The following CEP192 variants were observed in gnomAD, a reference collection of about 807,000 sequenced individuals.
CEP192 encodes centrosomal protein 192.
CEP192 carries 151 observed loss-of-function variants against 271.8 expected under a neutral mutation model. That is an observed-to-expected ratio of 0.56 (90% CI 0.49 to 0.64). CEP192 has a LOEUF of 0.64. CEP192 is among the 30% of genes least tolerant of loss of function. The pLI is 0.00. For synonymous variants in CEP192, 995 were observed against 1,076.5 expected (o/e 0.92, Z 1.48); for missense variants, 2,910 against 3,020.5 (o/e 0.96, Z 0.86).
At chr18:13,124,032 C>T (rs1439068589) in intron 44 of CEP192, among the ~76,000 whole-genome samples, 9 of 151,968 alleles carry the variant, frequency 5.9e-5, no homozygotes, top group Admixed American at 3.3e-4. Context: ...CGGTGATGGG[C>T]GCCTGTAATC....
rs1447831326 is a variant in CEP192, at chr18:13,081,342, A to G, written c.5617-5675A>G. ...TGTTATTGGTCTATTTAGAGATTCA[A>G]CTTCTTCCTGGTTTAGTCTTGGGAG... On this transcript the variant is annotated intron_variant, in intron 30 of 44. Coordinates refer to ENST00000506447, the MANE Select transcript of CEP192 (RefSeq NM_032142.4). 3.9e-5 allele frequency among the ~76,000 whole-genome samples: 6 copies of G among 152,096 alleles called. No individual in the cohort carries two copies. In the East Asian group the frequency reaches 9.6e-4, roughly 24 times the overall value.
chr18:13,099,479 TA>T lies in CEP192; in HGVS notation c.6564del (p.Lys2188AsnfsTer6). The T allele has an allele frequency of 6.6e-7, 1 of 1,521,800 alleles. No homozygotes were observed. The highest frequency in any genetic ancestry group is 8.9e-7 in the Non-Finnish European group (1 of 1,117,930). 94.3% of individuals were successfully genotyped at this position (1,521,800 alleles called of 1,614,324 possible). A position where few individuals can be genotyped will look rare whatever the true frequency, so the allele number is the denominator to read the frequency against. On this transcript the variant is annotated frameshift_variant, in exon 37 of 45. Coordinates refer to ENST00000506447, the MANE Select transcript of CEP192 (RefSeq NM_032142.4). LOFTEE classifies it high-confidence loss of function. Reference sequence around the variant, plus strand: ...TTCTTATTAATTTTTTTTAAAGGAGTAAACTACAAATTCTTGTGAGTCCTAA... The same window carrying T: ...TTCTTATTAATTTTTTTTAAAGGAGTAACTACAAATTCTTGTGAGTCCTAA... ...PQHGCVAPES[K>X]LQILVSPNSS...
intron 30 of CEP192, among the ~76,000 whole-genome samples, chr18:13,086,740 T>G (rs1267070019): frequency 6.6e-6 from 1 of 152,246 alleles, no homozygotes; most frequent in Admixed American, 6.5e-5. Context: ...GTACTAATCT[T>G]TATATTATTC....
Position 13,038,555 on chromosome 18 carries a change from T to C in CEP192, c.1785T>C (p.Leu595=), listed in dbSNP as rs1386930940. The C allele has an allele frequency of 1.9e-6, 3 of 1,551,586 alleles. No homozygotes were observed. The highest frequency in any genetic ancestry group is 2.7e-5 in the African/African-American group (2 of 73,162). The change falls in exon 13 of 45, where the codon CTT becomes CTC. Residue 595 remains leucine, a synonymous_variant. Transcript: ENST00000506447. ...FAQRSEALGC[L]GGGNNVKRPS... Reference sequence around the variant, plus strand: ...AAAGATCTGAAGCTCTTGGTTGCCTTGGTGGTGGTAACAATGTGAAAAGAG... The same window carrying C: ...AAAGATCTGAAGCTCTTGGTTGCCTCGGTGGTGGTAACAATGTGAAAAGAG...
intron 30 of CEP192, among the ~76,000 whole-genome samples, chr18:13,074,329 A>T (rs992569808): frequency 6.6e-6 from 1 of 152,210 alleles, no homozygotes; most frequent in Non-Finnish European, 1.5e-5. Flanking sequence ...GTTAGTGGTC[A>T]TTTTAAAAAC....
intron 8 of CEP192, 58 bp downstream of exon 8, chr18:13,018,673 T>A (rs1047151758): frequency 9.1e-6 from 11 of 1,202,826 alleles, no homozygotes; most frequent in African/African-American, 3.2e-5. Flanking sequence ...TTTACTTTTT[T>A]TAAAAAAAAA....
chr18:13,125,036 A>C lies in CEP192; in HGVS notation c.*266A>C. The C allele has an allele frequency of 4.1e-6, 1 of 244,444 alleles. No individual in the cohort carries two copies. The allele number at this position is 244,444 out of a possible 1,614,324, so 15.1% of individuals were successfully genotyped here. A position where few individuals can be genotyped will look rare whatever the true frequency, so the allele number is the denominator to read the frequency against. Reference sequence around the variant, plus strand: ...CTGAATAAATATGGAATATATTTTAATGTGGTATATCCAGAAATTTTTCAG... The same window carrying C: ...CTGAATAAATATGGAATATATTTTACTGTGGTATATCCAGAAATTTTTCAG... On this transcript the variant is annotated 3_prime_UTR_variant, in exon 45 of 45. Coordinates refer to ENST00000506447, the MANE Select transcript of CEP192 (RefSeq NM_032142.4).
rs1389637435 is a variant in CEP192 at position 13,056,427 on chromosome 18, G to A, written c.3837G>A (p.Gln1279=). The change falls in exon 19 of 45, where the codon CAG becomes CAA. Residue 1279 remains glutamine (Q), a synonymous_variant. Coordinates refer to ENST00000506447, the MANE Select transcript of CEP192 (RefSeq NM_032142.4). ...LPSTGSTTLP[Q]CHAGNATVCG... Reference sequence around the variant, plus strand: ...CAACTGGAAGCACCACCTTGCCTCAGTGCCATGCTGGCAATGCCACAGTCT... The same window carrying A: ...CAACTGGAAGCACCACCTTGCCTCAATGCCATGCTGGCAATGCCACAGTCT... 4 of 1,614,254 alleles carry A rather than the reference G, an allele frequency of 2.5e-6. No homozygotes were observed. Among genetic ancestry groups the A allele is most frequent in the Non-Finnish European group, 3.4e-6 (4 of 1,180,046 alleles).
At chr18:13,044,868 T>A (rs905953895) in intron 15 of CEP192, among the ~76,000 whole-genome samples, 2 of 152,186 alleles carry the variant, frequency 1.3e-5, no homozygotes, top group Non-Finnish European at 2.9e-5. Context: ...TTTGGTAGAA[T>A]ACATTGGTGA....
At chr18:13,093,715 T>C (rs2039257287) in intron 34 of CEP192, among the ~76,000 whole-genome samples, 1 of 152,268 alleles carries the variant, frequency 6.6e-6, no homozygotes, top group Non-Finnish European at 1.5e-5. Context: ...TTCTGTTTTG[T>C]ACTTTGGTAA....
chr18:13,038,203 A>G (rs999890690), intron 12 of CEP192, among the ~76,000 whole-genome samples, 167 bp from the exon 13 acceptor site: 1 of 152,120 alleles, frequency 6.6e-6, no homozygotes, highest in Non-Finnish European at 1.5e-5. Flanking sequence ...GGACTTCATT[A>G]GCTGTGGTAG....
chr18:13,070,834 G>C (rs1394638895), intron 27 of CEP192, among the ~76,000 whole-genome samples: 1 of 152,132 alleles, frequency 6.6e-6, no homozygotes, highest in Non-Finnish European at 1.5e-5. Context: ...CCCAAAGCAC[G>C]ATGGCTTCTC....
chr18:13,057,860 A>G (rs1234303096), intron 20 of CEP192, 127 bp downstream of exon 20: 6 of 800,298 alleles, frequency 7.5e-6, no homozygotes, highest in East Asian at 2.8e-5. Context: ...TTGCCATGGT[A>G]TCTTTCTCTC....
chr18:13,039,590 G>A (rs1696797644), intron 13 of CEP192, among the ~76,000 whole-genome samples: 1 of 152,192 alleles, frequency 6.6e-6, no homozygotes, highest in African/African-American at 2.4e-5. Context: ...TGGAAAGCAG[G>A]CAGGCAGAGC....
chr18:12,993,398 G>T (rs1028816044), intron 1 of CEP192, among the ~76,000 whole-genome samples: 2 of 152,220 alleles, frequency 1.3e-5, no homozygotes, highest in African/African-American at 4.8e-5. Context: ...CCTTGCCCCA[G>T]GATGCCAGAA....
intron 19 of CEP192, among the ~76,000 whole-genome samples, chr18:13,057,122 A>T (rs866535513): frequency 7.9e-5 from 12 of 152,162 alleles, no homozygotes; most frequent in African/African-American, 2.9e-4. Flanking sequence ...GACATGGTGC[A>T]CACGGCCACT....
At chr18:13,106,030 G>A (rs1209234113) in intron 40 of CEP192, among the ~76,000 whole-genome samples, 6 of 152,064 alleles carry the variant, frequency 3.9e-5, no homozygotes, top group East Asian at 1.9e-4. Flanking sequence ...AACTGCCAAC[G>A]TCATTTTTCA....
intron 5 of CEP192, 100 bp from the exon 6 acceptor site, chr18:13,015,228 A>G: frequency 9.5e-7 from 1 of 1,055,520 alleles, no homozygotes; most frequent in Non-Finnish European, 1.3e-6. Flanking sequence ...TACTGAACAC[A>G]GTGGAGGTTG....
chr18:13,089,324 T>C (rs1250985484), intron 32 of CEP192, 132 bp from the exon 33 acceptor site: 3 of 449,496 alleles, frequency 6.7e-6, no homozygotes, highest in Non-Finnish European at 1.2e-5. Context: ...AGGTTTTTCT[T>C]TTAGGTGTAA....
Sources: gnomAD v4.1 joint callset for allele counts (sites outside exome capture counted in the v4.1 genomes callset) on GRCh38, gnomAD v4.1.1 for gene constraint, MANE v1.5 for transcripts, NCBI Gene and HGNC (gene_info 2026-07-23, HGNC 2026-07-21) for gene names.